Variants in IL1RAPL1 observed in about 807,000 individuals in gnomAD.
IL1RAPL1 encodes interleukin 1 receptor accessory protein like 1.
IL1RAPL1 carries 3 observed loss-of-function variants against 48.4 expected under a neutral mutation model. The ratio of observed to expected loss-of-function variants is 0.06; its 90% CI spans 0.03 to 0.16. The LOEUF is 0.16. Ranked by LOEUF, IL1RAPL1 falls within the 10% of genes least tolerant of loss-of-function variation. The pLI is 1.00. For missense variants in IL1RAPL1, 349 were observed against 530.6 expected (o/e 0.66, Z 3.36); for synonymous variants, 185 against 187.7 (o/e 0.99, Z 0.12).
chrX:29,687,637 TCG>T (rs945857649), intron 6 of IL1RAPL1, among the ~76,000 whole-genome samples: 3 of 111,786 alleles, frequency 2.7e-5, no homozygotes, highest in African/African-American at 9.8e-5. Flanking sequence ...TCAAAATAGC[TCG>T]AAGAGAGGTT....
chrX:29,607,596 A>G (rs1426991654), intron 5 of IL1RAPL1, among the ~76,000 whole-genome samples: 3 of 112,047 alleles, frequency 2.7e-5, no homozygotes, highest in Non-Finnish European at 5.6e-5. Flanking sequence ...CAACTTACTC[A>G]GCAAAATTCA....
intron 2 of IL1RAPL1, among the ~76,000 whole-genome samples, chrX:28,874,143 G>A (rs1922306200): frequency 9.0e-6 from 1 of 111,331 alleles, no homozygotes; most frequent in Admixed American, 9.5e-5. Flanking sequence ...GTGTCTGACT[G>A]TCAACACGTA....
intron 5 of IL1RAPL1, among the ~76,000 whole-genome samples, chrX:29,556,374 C>T (rs1167478941): frequency 9.0e-6 from 1 of 111,448 alleles, no homozygotes; most frequent in Non-Finnish European, 1.9e-5. Flanking sequence ...TCAGGCCAGG[C>T]GTAGTGGCTC....
chrX:29,729,546 G>A (rs774486634), intron 6 of IL1RAPL1, among the ~76,000 whole-genome samples: 2 of 111,445 alleles, frequency 1.8e-5, no homozygotes, highest in East Asian at 5.6e-4. Context: ...TAACAAACAA[G>A]GAGATTCAGG....
chrX:29,071,161 CATTTGTATTATTAGT>C (rs1404312304), intron 2 of IL1RAPL1, among the ~76,000 whole-genome samples: 1 of 111,426 alleles, frequency 9.0e-6, no homozygotes, highest in Non-Finnish European at 1.9e-5. Context: ...GTGAGTTTTC[CATTTGTATTATTAGT>C]GTTTGTATTT....
chrX:29,533,645 A>G (rs913933743), intron 5 of IL1RAPL1, among the ~76,000 whole-genome samples: 1 of 111,685 alleles, frequency 9.0e-6, no homozygotes, highest in Non-Finnish European at 1.9e-5. Flanking sequence ...TGTTAACTCT[A>G]TATTTAACTC....
At chrX:28,805,333 A>T (rs1177146935) in intron 2 of IL1RAPL1, among the ~76,000 whole-genome samples, 1 of 111,700 alleles carries the variant, frequency 9.0e-6, no homozygotes, top group African/African-American at 3.2e-5. Flanking sequence ...TTATATTTCT[A>T]GTCTATATTT....
At chrX:29,465,975 AC>A (rs905426981) in intron 5 of IL1RAPL1, among the ~76,000 whole-genome samples, 5 of 112,495 alleles carry the variant, frequency 4.4e-5, no homozygotes, top group Non-Finnish European at 9.4e-5. Flanking sequence ...CTATTGGGAC[AC>A]AGCTCAGGTT....
intron 1 of IL1RAPL1, among the ~76,000 whole-genome samples, chrX:28,772,328 T>C (rs778948764): frequency 9.0e-6 from 1 of 111,672 alleles, no homozygotes; most frequent in Admixed American, 9.5e-5. Flanking sequence ...AAAAATCTAT[T>C]CTCCTTAAAG....
At chrX:28,833,532 T>A (rs1045881214) in intron 2 of IL1RAPL1, among the ~76,000 whole-genome samples, 2 of 111,808 alleles carry the variant, frequency 1.8e-5, no homozygotes, top group Non-Finnish European at 3.8e-5. Flanking sequence ...TGGTGTGAGA[T>A]GGTATCTCAT....
At chrX:29,435,750 A>G (rs915038053) in intron 5 of IL1RAPL1, among the ~76,000 whole-genome samples, 3 of 111,179 alleles carry the variant, frequency 2.7e-5, no homozygotes, top group African/African-American at 9.7e-5. Context: ...CTCTGACTGT[A>G]TGTATTAAAC....
chrX:29,142,025 T>G (rs952893417), intron 2 of IL1RAPL1, among the ~76,000 whole-genome samples: 3 of 111,954 alleles, frequency 2.7e-5, no homozygotes, highest in African/African-American at 9.7e-5. Flanking sequence ...CTTACTCTTG[T>G]GTGACTTCTT....
chrX:29,079,311 T>A (rs1927750015), intron 2 of IL1RAPL1, among the ~76,000 whole-genome samples: 1 of 111,702 alleles, frequency 9.0e-6, no homozygotes, highest in Non-Finnish European at 1.9e-5. Flanking sequence ...TGGGACTGAA[T>A]TTTGGGACCA....
At chrX:28,783,570 G>T (rs111926715) in intron 1 of IL1RAPL1, among the ~76,000 whole-genome samples, 2,917 of 111,132 alleles carry the variant, frequency 0.026, 102 homozygotes, top group African/African-American at 0.091. Context: ...AATTATCTTG[G>T]TGACCTAAAA....
At chrX:29,029,945 T>C (rs1206688125) in intron 2 of IL1RAPL1, among the ~76,000 whole-genome samples, 1 of 109,659 alleles carries the variant, frequency 9.1e-6, no homozygotes, top group Non-Finnish European at 1.9e-5. Context: ...GAGATTCTTT[T>C]TTTTTTTTTT....
rs764482351 is a variant in IL1RAPL1 at position 29,430,204 on chromosome X, A to G, written c.703+30896A>G. Among the ~76,000 whole-genome samples, 6 of 111,152 alleles carry G rather than the reference A, an allele frequency of 5.4e-5. No homozygotes were observed. The South Asian group carries it at 2.3e-3, about 42-fold the overall frequency. ...GCATGGACTATAAAAATGGAAAAAT[A>G]AAAATAACACAAACTTCCTGGGGTC... is the stretch of plus-strand genomic sequence containing the variant. On this transcript the variant is annotated intron_variant, in intron 5 of 10. Coordinates refer to ENST00000378993, the MANE Select transcript of IL1RAPL1 (RefSeq NM_014271.4).
intron 2 of IL1RAPL1, among the ~76,000 whole-genome samples, chrX:29,105,618 T>A (rs995790564): frequency 8.9e-6 from 1 of 112,258 alleles, no homozygotes; most frequent in African/African-American, 3.2e-5. Flanking sequence ...TGCCCTGTTT[T>A]GCAGCATCTT....
chrX:28,636,975 C>T (rs1370523614), intron 1 of IL1RAPL1, among the ~76,000 whole-genome samples: 9 of 111,247 alleles, frequency 8.1e-5, no homozygotes, highest in Non-Finnish European at 1.7e-4. Context: ...GCCGTACCAC[C>T]AAACTCAACA....
intron 5 of IL1RAPL1, among the ~76,000 whole-genome samples, chrX:29,530,279 C>G: frequency 8.9e-6 from 1 of 111,830 alleles, no homozygotes; most frequent in South Asian, 3.8e-4. Context: ...TCCCCAGAAG[C>G]TGACCCCTAG....
Sources: gnomAD v4.1 joint callset for allele counts (sites outside exome capture counted in the v4.1 genomes callset) on GRCh38, gnomAD v4.1.1 for gene constraint, MANE v1.5 for transcripts, NCBI Gene and HGNC (gene_info 2026-07-23, HGNC 2026-07-21) for gene names.